The following KLHL3 variants were observed in gnomAD, a reference collection of about 807,000 sequenced individuals.
KLHL3 encodes the protein kelch like family member 3.
KLHL3 carries 19 observed loss-of-function variants against 70.5 expected under a neutral mutation model. The observed-to-expected ratio is 0.27, with a 90% CI of 0.19 to 0.40. KLHL3 has a LOEUF of 0.40. Ranked by LOEUF, KLHL3 falls within the 10% of genes least tolerant of loss-of-function variation. KLHL3 has a pLI of 1.00. For synonymous variants in KLHL3, 258 were observed against 290.3 expected (o/e 0.89, Z 1.13); for missense variants, 512 against 771.1 (o/e 0.66, Z 3.98).
chr5:137,636,619 G>GTCCCA (rs1371247780), intron 11 of KLHL3, among the ~76,000 whole-genome samples: 1 of 152,300 alleles, frequency 6.6e-6, no homozygotes, highest in East Asian at 1.9e-4. Context: ...TACTGTCATT[G>GTCCCA]GAATGTGGGA....
chr5:137,674,789 T>C (rs972314385), intron 6 of KLHL3, among the ~76,000 whole-genome samples: 31 of 152,202 alleles, frequency 2.0e-4, no homozygotes, highest in Admixed American at 5.2e-4. Context: ...AAAGGAAAGG[T>C]TATTATGCAT....
chr5:137,716,123 A>G (rs1166314690), intron 2 of KLHL3, among the ~76,000 whole-genome samples: 2 of 152,212 alleles, frequency 1.3e-5, no homozygotes, highest in Admixed American at 1.3e-4. Context: ...TAACTCAAAA[A>G]TAGAATATCA....
intron 1 of KLHL3, among the ~76,000 whole-genome samples, chr5:137,728,949 G>A (rs904822239): frequency 6.7e-6 from 1 of 148,660 alleles, no homozygotes; most frequent in Non-Finnish European, 1.5e-5. Context: ...TAACAAACCA[G>A]CACGTGTACC....
rs539946000 is a variant in KLHL3, at chr5:137,633,358, C to T, written c.1450+679G>A. Among the ~76,000 whole-genome samples, 49 of 147,818 alleles carry T rather than the reference C, an allele frequency of 3.3e-4. 1 individual carries two copies. The South Asian group carries it at 0.01, about 31-fold the overall frequency. On this transcript the variant is annotated intron_variant, in intron 12 of 14. Coordinates refer to ENST00000309755, the MANE Select transcript of KLHL3 (RefSeq NM_017415.3). ...GCAGAGAAAAGGGTATGCTTATACA[C>T]TGTTGTGGAAATATAAATTAATACA...
At chr5:137,723,944 T>C (rs1753045828) in intron 1 of KLHL3, among the ~76,000 whole-genome samples, 1 of 152,258 alleles carries the variant, frequency 6.6e-6, no homozygotes, top group South Asian at 2.1e-4. Context: ...TTTTATCAAA[T>C]GTCTTTGTGT....
Position 137,639,230 on chromosome 5 carries a change from A to G in KLHL3, c.1022-80T>C. On this transcript the variant is annotated intron_variant, in intron 9 of 14. Transcript: ENST00000309755. This position sits in a 1 kb window ranked among gnomAD's most constrained non-coding sequence, Gnocchi z 5.0. ...GTTGATGGATGGCAATGGAGGAGCA[A>G]GACAGACACAGGAAAAGTCGCCACC... is the stretch of plus-strand genomic sequence containing the variant. 1 of 1,378,648 alleles carries G rather than the reference A, an allele frequency of 7.3e-7. No homozygotes were observed. Among genetic ancestry groups the G allele is most frequent in the Non-Finnish European group, 1.0e-6 (1 of 988,828 alleles). 85.4% of individuals were successfully genotyped at this position (1,378,648 alleles called of 1,614,324 possible).
chr5:137,690,152 C>T (rs1413106636), intron 5 of KLHL3, among the ~76,000 whole-genome samples: 1 of 152,116 alleles, frequency 6.6e-6, no homozygotes, highest in African/African-American at 2.4e-5. Context: ...ACGGTGAAAC[C>T]CCATCTCTAC....
intron 12 of KLHL3, among the ~76,000 whole-genome samples, chr5:137,631,742 T>C (rs1441979967): frequency 1.3e-5 from 2 of 152,202 alleles, no homozygotes; most frequent in Non-Finnish European, 2.9e-5. Flanking sequence ...AAAGTACTTG[T>C]TAGGACAGTG....
intron 3 of KLHL3, among the ~76,000 whole-genome samples, chr5:137,709,296 T>C (rs1056770622): frequency 9.9e-5 from 15 of 152,042 alleles, no homozygotes; most frequent in Non-Finnish European, 1.6e-4. Flanking sequence ...GGAAGGACAA[T>C]AGGTAGGCCA....
At chr5:137,721,909 A>G (rs1008046789) in intron 1 of KLHL3, among the ~76,000 whole-genome samples, 23 of 152,244 alleles carry the variant, frequency 1.5e-4, no homozygotes, top group African/African-American at 5.5e-4. Flanking sequence ...CAAAAGAATG[A>G]GCAAGGAAAG....
intron 2 of KLHL3, among the ~76,000 whole-genome samples, chr5:137,714,778 A>G (rs1752862589): frequency 6.6e-6 from 1 of 152,240 alleles, no homozygotes; most frequent in Non-Finnish European, 1.5e-5. Context: ...GGTAAATTGT[A>G]TGGCATCTGA....
chr5:137,734,630 G>A (rs1753232120), intron 1 of KLHL3, among the ~76,000 whole-genome samples: 1 of 152,146 alleles, frequency 6.6e-6, no homozygotes, highest in African/African-American at 2.4e-5. Context: ...TAACCAGATG[G>A]TTACTGTCTG....
intron 2 of KLHL3, among the ~76,000 whole-genome samples, chr5:137,716,840 G>A (rs1221028378): frequency 6.6e-6 from 1 of 152,118 alleles, no homozygotes; most frequent in Non-Finnish European, 1.5e-5. Context: ...TTTTGAAAGG[G>A]CTGGCTTTTG....
chr5:137,698,227 C>T, intron 4 of KLHL3, 60 bp downstream of exon 4: 1 of 1,589,618 alleles, frequency 6.3e-7, no homozygotes, highest in Non-Finnish European at 8.6e-7. Context: ...TAAAATAACG[C>T]TGTAAAATGG....
At chr5:137,688,285 A>G (rs945196300) in intron 5 of KLHL3, among the ~76,000 whole-genome samples, 3 of 152,108 alleles carry the variant, frequency 2.0e-5, no homozygotes, top group Non-Finnish European at 2.9e-5. Flanking sequence ...GAAGGCCTGC[A>G]TAACAGGGAG....
Position 137,692,275 on chromosome 5 carries a change from T to C in KLHL3, c.526+10A>G. 6.2e-7 allele frequency: 1 copy of C among 1,608,560 alleles called. No homozygotes were observed. The highest frequency in any genetic ancestry group is 8.5e-7 in the Non-Finnish European group (1 of 1,177,758). On this transcript the variant is annotated intron_variant, in intron 5 of 14. Coordinates refer to ENST00000309755, the MANE Select transcript of KLHL3 (RefSeq NM_017415.3). The stretch of plus-strand genomic sequence containing the variant: ...CTCGGAGGAGGTGCAGCAGTCCGGC[T>C]CCCCCTTACCTGCGTAGGCATTGGC...
intron 1 of KLHL3, among the ~76,000 whole-genome samples, chr5:137,725,228 T>C (rs1753067547): frequency 6.6e-6 from 1 of 152,062 alleles, no homozygotes; most frequent in Non-Finnish European, 1.5e-5. Context: ...CTTGTTCAAG[T>C]CTAACACCAT....
chr5:137,701,501 C>G (rs1752566271), intron 3 of KLHL3, among the ~76,000 whole-genome samples: 1 of 152,170 alleles, frequency 6.6e-6, no homozygotes, highest in South Asian at 2.1e-4. Context: ...TATTCCCAAA[C>G]TCAAGGCATT....
chr5:137,666,933 C>A (rs968916691), intron 6 of KLHL3, among the ~76,000 whole-genome samples: 1 of 152,124 alleles, frequency 6.6e-6, no homozygotes, highest in African/African-American at 2.4e-5. Flanking sequence ...AATGACTTGC[C>A]CAAGTCCCAG....
Sources: gnomAD v4.1 joint callset for allele counts (sites outside exome capture counted in the v4.1 genomes callset) on GRCh38, gnomAD v4.1.1 for gene constraint, Gnocchi (gnomAD v3.1) non-coding constraint, MANE v1.5 for transcripts, NCBI Gene and HGNC (gene_info 2026-07-23, HGNC 2026-07-21) for gene names.